LNP1: variants seen among roughly 807,000 people sequenced by gnomAD.
The protein encoded by LNP1 is leukemia NUP98 fusion partner 1.
LNP1 carries 12 observed loss-of-function variants against 14.5 expected under a neutral mutation model. The ratio of observed to expected loss-of-function variants is 0.83; its 90% confidence interval spans 0.53 to 1.34. The LOEUF is 1.34. Among genes scored for constraint, LNP1 ranks in the 40% most tolerant of loss-of-function variants. The pLI is 0.00. For missense variants in LNP1, 198 were observed against 210.9 expected (o/e 0.94, Z 0.38); for synonymous variants, 75 against 71.4 (o/e 1.05, Z -0.26).
intron 1 of LNP1, among the ~76,000 whole-genome samples, chr3:100,412,879 TG>T (rs1433890911): frequency 3.3e-5 from 5 of 152,210 alleles, no homozygotes; most frequent in Non-Finnish European, 7.4e-5. Context: ...GGGCATATGA[TG>T]AGTGCCTGTT....
At chr3:100,419,561 G>C (rs1368455169) in intron 1 of LNP1, among the ~76,000 whole-genome samples, 1 of 152,010 alleles carries the variant, frequency 6.6e-6, no homozygotes, top group Non-Finnish European at 1.5e-5. Flanking sequence ...TTGTGTAACT[G>C]TCACAATCAA....
At chr3:100,410,044 C>T (rs142234183) in intron 1 of LNP1, among the ~76,000 whole-genome samples, 4 of 151,914 alleles carry the variant, frequency 2.6e-5, no homozygotes, top group Non-Finnish European at 5.9e-5. Flanking sequence ...CTCTGAAGAA[C>T]CCTAATACAG....
intron 3 of LNP1, among the ~76,000 whole-genome samples, chr3:100,453,350 G>T (rs1458506410): frequency 6.6e-6 from 1 of 151,830 alleles, no homozygotes; most frequent in Non-Finnish European, 1.5e-5. Flanking sequence ...GAAGGTTGAG[G>T]CCACGGGATC....
At chr3:100,446,968 T>C (rs1707394185) in intron 2 of LNP1, among the ~76,000 whole-genome samples, 1 of 152,014 alleles carries the variant, frequency 6.6e-6, no homozygotes, top group Non-Finnish European at 1.5e-5. Context: ...CTGGAAAGGA[T>C]GTGGAGATAG....
intron 1 of LNP1, among the ~76,000 whole-genome samples, chr3:100,426,387 T>A (rs1707193021): frequency 1.3e-5 from 2 of 152,192 alleles, no homozygotes; most frequent in African/African-American, 4.8e-5. Flanking sequence ...GAATTCAGGA[T>A]TCCAAACTAG....
intron 1 of LNP1, among the ~76,000 whole-genome samples, chr3:100,415,728 T>TTAC (rs1315246734): frequency 6.6e-6 from 1 of 152,120 alleles, no homozygotes; most frequent in East Asian, 1.9e-4. Context: ...ACATAAAAGC[T>TTAC]TACCAGTAGA....
At chr3:100,439,792 A>T (rs540041077) in intron 2 of LNP1, among the ~76,000 whole-genome samples, 18 of 152,098 alleles carry the variant, frequency 1.2e-4, no homozygotes, top group Non-Finnish European at 2.6e-4. Context: ...CACAGCACCT[A>T]CTACCATGAC....
chr3:100,443,198 G>A (rs751169200), intron 2 of LNP1, among the ~76,000 whole-genome samples: 2 of 152,138 alleles, frequency 1.3e-5, no homozygotes, highest in South Asian at 2.1e-4. Flanking sequence ...GGAAAAAATG[G>A]AAAACAATGC....
intron 2 of LNP1, among the ~76,000 whole-genome samples, chr3:100,434,572 A>G (rs1482729940): frequency 1.3e-5 from 2 of 150,038 alleles, no homozygotes; most frequent in Admixed American, 1.3e-4. Context: ...TCTATTGCCC[A>G]GGCTGGAGTG....
Position 100,429,701 on chromosome 3 carries a change from A to G in LNP1, c.-29A>G. The G allele has an allele frequency of 6.2e-7, 1 of 1,602,604 alleles. No homozygotes were observed. Reference sequence around the variant, plus strand: ...ATTTCCCTCTGTCGCATTTAGGGACAGGCCTTCAGTATTTGGCATCACCTT... The same window carrying G: ...ATTTCCCTCTGTCGCATTTAGGGACGGGCCTTCAGTATTTGGCATCACCTT... On this transcript the variant is annotated 5_prime_UTR_variant, in exon 2 of 4. Coordinates refer to ENST00000383693, the MANE Select transcript of LNP1 (RefSeq NM_001085451.2).
chr3:100,415,706 A>T (rs746835011), intron 1 of LNP1, among the ~76,000 whole-genome samples: 2 of 152,212 alleles, frequency 1.3e-5, no homozygotes, highest in Non-Finnish European at 2.9e-5. Flanking sequence ...GTAATAGCAA[A>T]AAGTGGAAAT....
At chr3:100,404,524 C>G (rs1317018775) in intron 1 of LNP1, among the ~76,000 whole-genome samples, 1 of 152,180 alleles carries the variant, frequency 6.6e-6, no homozygotes, top group Non-Finnish European at 1.5e-5. Context: ...CAGCACAGCT[C>G]TAGATATTCC....
chr3:100,415,815 C>T lies in LNP1; in HGVS notation c.-34+13376C>T, dbSNP rs561912344. On this transcript the variant is annotated intron_variant, in intron 1 of 3. Transcript: ENST00000383693. ...TTCAAGCAAAGAATTGGAACTTTGC[C>T]ACCACCTTAGAAGCTTCTTCTATGA... is the stretch of plus-strand genomic sequence containing the variant. 4.6e-5 allele frequency among the ~76,000 whole-genome samples: 7 copies of T among 152,270 alleles called. No homozygotes were observed. The East Asian group carries it at 1.4e-3, about 29-fold the overall frequency.
intron 1 of LNP1, among the ~76,000 whole-genome samples, chr3:100,429,489 G>C (rs915472773): frequency 2.0e-5 from 3 of 152,228 alleles, no homozygotes; most frequent in Admixed American, 6.5e-5. Context: ...AAAAAGACAA[G>C]GGGAGGGGAA....
Position 100,451,932 on chromosome 3 carries a change from A to C in LNP1, c.370A>C (p.Lys124Gln). The C allele has an allele frequency of 6.2e-7, 1 of 1,612,496 alleles. No homozygotes were observed. Among genetic ancestry groups the C allele is most frequent in the South Asian group, 1.1e-5 (1 of 90,898 alleles). Reference sequence around the variant, plus strand: ...TGAACGGCAACTGTGCTTTAGAACCAAGCGTTCTGCCTCTTTGGTATGTAA... The same window carrying C: ...TGAACGGCAACTGTGCTTTAGAACCCAGCGTTCTGCCTCTTTGGTATGTAA... ...SFERQLCFRT[K>Q]RSASLGPESR... Residue 124 changes from lysine (K) to glutamine (Q), a missense_variant, in exon 3 of 4, where the codon AAG (lysine) becomes CAG (glutamine). Physicochemically the swap from Lys to Gln is moderately conservative, Grantham distance 53. Transcript: ENST00000383693.
intron 1 of LNP1, among the ~76,000 whole-genome samples, chr3:100,423,326 C>A (rs1169587089): frequency 6.6e-6 from 1 of 152,100 alleles, no homozygotes; most frequent in Non-Finnish European, 1.5e-5. Flanking sequence ...TAAGTTACTA[C>A]TGCAACAACG....
rs369349523 is a variant in LNP1 at position 100,447,132 on chromosome 3, A to G, written c.157-4587A>G. On this transcript the variant is annotated intron_variant, in intron 2 of 3. Coordinates refer to ENST00000383693, the MANE Select transcript of LNP1 (RefSeq NM_001085451.2). ...CTGAGGGATTATAAATCCTGCTACTATAAAGACACATGTACACATATATTT... is the reference window on the plus strand; with the variant it reads ...CTGAGGGATTATAAATCCTGCTACTGTAAAGACACATGTACACATATATTT... 6.6e-5 allele frequency among the ~76,000 whole-genome samples: 10 copies of G among 152,344 alleles called. No individual in the cohort carries two copies. The East Asian group carries it at 7.7e-4, about 12-fold the overall frequency.
intron 3 of LNP1, among the ~76,000 whole-genome samples, chr3:100,453,710 A>AT (rs1483414419): frequency 4.6e-5 from 7 of 152,032 alleles, no homozygotes; most frequent in Admixed American, 4.6e-4. Flanking sequence ...CTTCACCTAG[A>AT]TTACCTCCAA....
chr3:100,430,412 C>T (rs1707231821), intron 2 of LNP1, among the ~76,000 whole-genome samples: 1 of 152,206 alleles, frequency 6.6e-6, no homozygotes, highest in South Asian at 2.1e-4. Flanking sequence ...CTGCCCTCAG[C>T]ACTGTTTTGT....
Sources: allele counts gnomAD v4.1 joint callset (sites outside exome capture counted in the v4.1 genomes callset), GRCh38; gene constraint gnomAD v4.1.1; transcripts MANE v1.5; gene names NCBI Gene and HGNC (gene_info 2026-07-23, HGNC 2026-07-21).